Variants in RALGPS1 observed in about 807,000 individuals in gnomAD.
RALGPS1 encodes the protein Ral GEF with PH domain and SH3 binding motif 1.
RALGPS1 carries 19 observed loss-of-function variants against 78.8 expected under a neutral mutation model. That is an observed-to-expected ratio of 0.24 (90% confidence interval 0.17 to 0.35). RALGPS1 has a LOEUF of 0.35. Ranked by LOEUF, RALGPS1 falls within the 10% of genes least tolerant of loss-of-function variation. The probability of loss-of-function intolerance (pLI) is 1.00; values close to 1 mark genes in which losing one functional copy is unlikely to be tolerated. For missense variants in RALGPS1, 454 were observed against 688.3 expected (o/e 0.66, Z 3.81); for synonymous variants, 228 against 256.3 (o/e 0.89, Z 1.06).
At chr9:127,034,597 G>C (rs1352429275) in intron 5 of RALGPS1, 83 bp downstream of exon 5, 1 of 1,238,040 alleles carries the variant, frequency 8.1e-7, no homozygotes, top group Non-Finnish European at 1.2e-6. Context: ...ACCCAAAGCT[G>C]TCTCCCAGGC....
At chr9:126,974,196 G>A (rs2040388946) in intron 3 of RALGPS1, among the ~76,000 whole-genome samples, 2 of 152,112 alleles carry the variant, frequency 1.3e-5, no homozygotes, top group South Asian at 4.2e-4. Flanking sequence ...TTTTAAAAAT[G>A]AAAAGTTAAA....
At chr9:127,207,454 A>G (rs1406068042) in intron 14 of RALGPS1, among the ~76,000 whole-genome samples, 2 of 152,194 alleles carry the variant, frequency 1.3e-5, no homozygotes, top group Non-Finnish European at 2.9e-5. Context: ...ACACTGGGAA[A>G]GGTGTCTGTG....
chr9:127,110,334 C>T (rs1171767807), intron 8 of RALGPS1, among the ~76,000 whole-genome samples: 1 of 152,210 alleles, frequency 6.6e-6, no homozygotes, highest in Non-Finnish European at 1.5e-5. Flanking sequence ...ACCTTCCTTT[C>T]CAGAGCGCCA....
intron 14 of RALGPS1, chr9:127,210,489 C>CT (rs1246463605): frequency 3.4e-6 from 2 of 585,994 alleles, no homozygotes; most frequent in Admixed American, 6.0e-5. Flanking sequence ...CTTGGAGACT[C>CT]TGAGGGGTGC....
chr9:126,986,302 T>G (rs1380008458), intron 4 of RALGPS1, among the ~76,000 whole-genome samples: 1 of 152,214 alleles, frequency 6.6e-6, no homozygotes, highest in Non-Finnish European at 1.5e-5. Context: ...AAAATTGGTG[T>G]ATTAATGCAG....
At chr9:127,161,550 A>G (rs923115492) in intron 8 of RALGPS1, among the ~76,000 whole-genome samples, 1 of 152,154 alleles carries the variant, frequency 6.6e-6, no homozygotes, top group Non-Finnish European at 1.5e-5. Context: ...TGGGTGGGAC[A>G]CTGATGATGG....
At chr9:127,181,068 G>A (rs2060187637) in intron 11 of RALGPS1, among the ~76,000 whole-genome samples, 1 of 152,248 alleles carries the variant, frequency 6.6e-6, no homozygotes, top group African/African-American at 2.4e-5. Flanking sequence ...GCCAGCCTCA[G>A]AAGTCACGCA....
chr9:127,064,477 A>G (rs2049502099), intron 7 of RALGPS1, among the ~76,000 whole-genome samples: 1 of 152,234 alleles, frequency 6.6e-6, no homozygotes, highest in Non-Finnish European at 1.5e-5. Flanking sequence ...AAAATCACTA[A>G]GTACTGAAAG....
chr9:127,015,427 T>C (rs1046774537), intron 4 of RALGPS1, among the ~76,000 whole-genome samples: 1 of 152,196 alleles, frequency 6.6e-6, no homozygotes, highest in Non-Finnish European at 1.5e-5. Context: ...GTAAGCAAAC[T>C]GTTAGCTGCT....
intron 8 of RALGPS1, chr9:127,089,194 C>CTAGGT: frequency 1.9e-6 from 3 of 1,584,970 alleles, no homozygotes; most frequent in Non-Finnish European, 2.6e-6. Context: ...CTACTTGCGT[C>CTAGGT]CATAGTGCTC....
intron 8 of RALGPS1, among the ~76,000 whole-genome samples, chr9:127,164,122 A>G (rs965575699): frequency 3.3e-5 from 5 of 152,144 alleles, no homozygotes; most frequent in Admixed American, 3.3e-4. Context: ...ATGAAAGTAG[A>G]TAATATAGCA....
intron 2 of RALGPS1, 95 bp downstream of exon 2, chr9:126,962,441 C>G: frequency 8.0e-7 from 1 of 1,250,646 alleles, no homozygotes; most frequent in Non-Finnish European, 1.2e-6. Flanking sequence ...GGCAGTAGGG[C>G]TCTGTGAATA....
At chr9:126,915,004 A>T (rs1371764510) in intron 1 of RALGPS1, 29 bp downstream of exon 1, 1 of 149,372 alleles carries the variant, frequency 6.7e-6, no homozygotes, top group African/African-American at 2.5e-5. Context: ...GGCGGCGGGG[A>T]GAGCGGCGGT....
chr9:127,143,041 G>A (rs1038384353), intron 8 of RALGPS1, among the ~76,000 whole-genome samples: 5 of 152,130 alleles, frequency 3.3e-5, no homozygotes, highest in Non-Finnish European at 7.4e-5. Flanking sequence ...TTGTGGTTCT[G>A]TATTTTTTGT....
chr9:126,995,071 A>G (rs1417397917), intron 4 of RALGPS1, among the ~76,000 whole-genome samples: 1 of 152,254 alleles, frequency 6.6e-6, no homozygotes, highest in African/African-American at 2.4e-5. Flanking sequence ...ACCCACTGCA[A>G]AAACATGCCA....
At chr9:126,973,397 G>GGTAA (rs2040307870) in intron 3 of RALGPS1, among the ~76,000 whole-genome samples, 2 of 152,078 alleles carry the variant, frequency 1.3e-5, no homozygotes, top group African/African-American at 4.8e-5. Flanking sequence ...TAGGTAGGTA[G>GGTAA]GTAGATAGCA....
At chr9:127,155,942 T>A (rs1413916939) in intron 8 of RALGPS1, among the ~76,000 whole-genome samples, 1 of 151,918 alleles carries the variant, frequency 6.6e-6, no homozygotes, top group Non-Finnish European at 1.5e-5. Context: ...TATTCATAGC[T>A]AAAGGTTAAA....
chr9:127,062,540 C>G (rs1039147029), intron 7 of RALGPS1, among the ~76,000 whole-genome samples: 9 of 152,218 alleles, frequency 5.9e-5, no homozygotes, highest in African/African-American at 2.2e-4. Flanking sequence ...GAGTACTACA[C>G]TTTTATAATC....
chr9:127,218,859 G>A lies in RALGPS1; in HGVS notation c.*90G>A. 6.9e-7 allele frequency: 1 copy of A among 1,446,282 alleles called. No homozygotes were observed. The highest frequency in any genetic ancestry group is 2.3e-5 in the East Asian group (1 of 44,108). The allele number at this position is 1,446,282 out of a possible 1,614,324, so 89.6% of individuals were successfully genotyped here. A position where few individuals can be genotyped will look rare whatever the true frequency, so the allele number is the denominator to read the frequency against. ...GAGCAGTCCTGGGCACAGGCTGTGA[G>A]CCAGGGTGCTGGGAAACTCACAGCT... On this transcript the variant is annotated 3_prime_UTR_variant, in exon 19 of 19. Transcript: ENST00000259351. The surrounding 1 kb of genome is among the most constrained non-coding windows in gnomAD (Gnocchi z 4.4).
Sources: gnomAD v4.1 joint callset for allele counts (sites outside exome capture counted in the v4.1 genomes callset) on GRCh38, gnomAD v4.1.1 for gene constraint, Gnocchi (gnomAD v3.1) non-coding constraint, MANE v1.5 for transcripts, NCBI Gene and HGNC (gene_info 2026-07-23, HGNC 2026-07-21) for gene names.